The following TLDC2 variants were observed in gnomAD, a reference collection of about 807,000 sequenced individuals.
The protein encoded by TLDC2 is TBC/LysM-associated domain containing 2.
Under a neutral mutation model 27.9 loss-of-function variants are expected in TLDC2, and 23 were observed. The ratio of observed to expected loss-of-function variants is 0.82; its 90% CI spans 0.59 to 1.17. The LOEUF is 1.17. Ranked by LOEUF, TLDC2 falls within the 50% of genes most tolerant of loss-of-function variation. The pLI, the probability that TLDC2 is intolerant of heterozygous loss-of-function variation, is 0.00. For synonymous variants in TLDC2, 124 were observed against 107.4 expected (o/e 1.16, Z -0.96); for missense variants, 286 against 273.4 (o/e 1.05, Z -0.32).
At position 36,892,936 on chromosome 20, in the gene TLDC2, A is replaced by G; in HGVS notation, c.*92A>G. The stretch of plus-strand genomic sequence containing the variant: ...TAAACAACTGACTACAGACATTCAC[A>G]TTGGGTCATCTTTAAAAAGCTGGAC... On this transcript the variant is annotated 3_prime_UTR_variant, in exon 7 of 7. Coordinates refer to ENST00000217320, the MANE Select transcript of TLDC2 (RefSeq NM_080628.3). The G allele has an allele frequency of 1.2e-6, 2 of 1,613,948 alleles. No homozygotes were observed. Among genetic ancestry groups the G allele is most frequent in the Non-Finnish European group, 1.7e-6 (2 of 1,180,000 alleles).
intron 2 of TLDC2, 81 bp from the exon 3 acceptor site, chr20:36,878,960 C>A (rs771066257): frequency 1.2e-5 from 20 of 1,605,320 alleles, no homozygotes; most frequent in Non-Finnish European, 1.7e-5. Context: ...TGGATGCATG[C>A]TAGCTGTCCA....
Position 36,889,267 on chromosome 20 carries a change from TG to T in TLDC2, c.531del (p.Trp177CysfsTer50), listed in dbSNP as rs745767427. On this transcript the variant is annotated frameshift_variant, in exon 6 of 7. Transcript: ENST00000217320. LOFTEE classifies it high-confidence loss of function. ...MGSGSGRFGL[W>X]LDGDLFRGGS... ...TCTCTCTAGTGGCCGGTTTGGGCTGTGGTTGGATGGAGACTTGTTCCGCGGG... is the reference window on the plus strand; with the variant it reads ...TCTCTCTAGTGGCCGGTTTGGGCTGTGTTGGATGGAGACTTGTTCCGCGGG... 6.2e-7 allele frequency: 1 copy of T among 1,614,118 alleles called. No individual in the cohort carries two copies. The highest frequency in any genetic ancestry group is 8.5e-7 in the Non-Finnish European group (1 of 1,180,000).
chr20:36,886,703 C>T (rs1243933734), intron 4 of TLDC2, among the ~76,000 whole-genome samples: 1 of 152,138 alleles, frequency 6.6e-6, no homozygotes, highest in Non-Finnish European at 1.5e-5. Flanking sequence ...AAGTGATCCT[C>T]CCGCCTCAGC....
intron 4 of TLDC2, among the ~76,000 whole-genome samples, chr20:36,886,131 T>G (rs1307796192): frequency 6.6e-6 from 1 of 152,110 alleles, no homozygotes; most frequent in African/African-American, 2.4e-5. Context: ...TTTGACAGTT[T>G]TTTTGTTGTT....
Position 36,893,322 on chromosome 20 carries a change from T to C in TLDC2, c.*478T>C, listed in dbSNP as rs1437637987. 5 of 544,116 alleles carry C rather than the reference T, an allele frequency of 9.2e-6. 1 individual carries two copies. The South Asian group carries it at 1.0e-4, about 11-fold the overall frequency. The allele number at this position is 544,116 out of a possible 1,614,324, so 33.7% of individuals were successfully genotyped here. ...GAGATGACTGGGAGCAGCATACCAC[T>C]GCCCACCTCTATGGCCTCCTTCACA... On this transcript the variant is annotated 3_prime_UTR_variant, in exon 7 of 7. Transcript: ENST00000217320.
intron 4 of TLDC2, 51 bp downstream of exon 4, chr20:36,880,801 G>A (rs761906266): frequency 1.9e-6 from 3 of 1,556,910 alleles, no homozygotes; most frequent in East Asian, 2.2e-5. Flanking sequence ...GCGAGACAAA[G>A]CTCCCGGGGT....
chr20:36,877,162 T>C (rs1372003666), intron 1 of TLDC2, among the ~76,000 whole-genome samples: 4 of 151,850 alleles, frequency 2.6e-5, no homozygotes, highest in African/African-American at 7.3e-5. Context: ...AGGTGGATCA[T>C]CTGAGGTCAG....
chr20:36,880,145 G>A (rs7273826), intron 3 of TLDC2, among the ~76,000 whole-genome samples: 11,424 of 104,992 alleles, frequency 0.11, 517 homozygotes, highest in South Asian at 0.14. Flanking sequence ...CCAGATTGGA[G>A]TGTAGTGGTG....
intron 4 of TLDC2, among the ~76,000 whole-genome samples, chr20:36,885,523 T>C (rs910174415): frequency 6.6e-6 from 1 of 152,210 alleles, no homozygotes; most frequent in Non-Finnish European, 1.5e-5. Context: ...AACGTGTATC[T>C]TACTCCTTCA....
chr20:36,877,775 T>TGG lies in TLDC2; in HGVS notation c.34-120_34-119dup, dbSNP rs1989706154. ...AACCCCCAACTACCCTGGGCTGGGC[T>TGG]GGGGGTTACAGGCACATGGGCAGGG... is the stretch of plus-strand genomic sequence containing the variant. On this transcript the variant is annotated intron_variant, in intron 1 of 6. Coordinates refer to ENST00000217320, the MANE Select transcript of TLDC2 (RefSeq NM_080628.3). The TGG allele has an allele frequency of 7.0e-6, 8 of 1,142,468 alleles. No homozygotes were observed. The South Asian group carries it at 1.1e-4, about 15-fold the overall frequency. The allele number at this position is 1,142,468 out of a possible 1,614,324, so 70.8% of individuals were successfully genotyped here.
chr20:36,877,124 G>T (rs1169687220), intron 1 of TLDC2, among the ~76,000 whole-genome samples: 1 of 152,072 alleles, frequency 6.6e-6, no homozygotes, highest in Non-Finnish European at 1.5e-5. Context: ...GGTGGCTCAC[G>T]CCTGTAATCC....
intron 3 of TLDC2, among the ~76,000 whole-genome samples, chr20:36,879,943 C>G (rs941535491): frequency 6.7e-6 from 1 of 149,636 alleles, no homozygotes; most frequent in South Asian, 2.1e-4. Context: ...AGGAAACATA[C>G]CAAAATATTA....
Position 36,889,536 on chromosome 20 carries a change from C to G in TLDC2, c.*17+133C>G, listed in dbSNP as rs557438767. The G allele has an allele frequency of 7.0e-5, 79 of 1,131,484 alleles. No homozygotes were observed. The East Asian group carries it at 2.1e-3, about 30-fold the overall frequency. 70.1% of individuals were successfully genotyped at this position (1,131,484 alleles called of 1,614,324 possible). On this transcript the variant is annotated intron_variant, in intron 6 of 6. Transcript: ENST00000217320. ...CCAGCCTCCTTGTGGCCTGGGGACC[C>G]AAGATACAGGTGGGGGCAGGCACTG... is the stretch of plus-strand genomic sequence containing the variant.
At chr20:36,892,712 T>TA (rs1212644980) in intron 6 of TLDC2, 150 bp from the exon 7 acceptor site, 9 of 625,168 alleles carry the variant, frequency 1.4e-5, no homozygotes, top group Non-Finnish European at 2.6e-5. Context: ...AAGGCTTTAA[T>TA]AATATTAAAA....
chr20:36,876,202 C>A lies in TLDC2; in HGVS notation c.28C>A (p.Arg10=), dbSNP rs757731171. Residue 10 remains arginine, a synonymous_variant, in exon 1 of 7, where the codon CGG becomes AGG. Coordinates refer to ENST00000217320, the MANE Select transcript of TLDC2 (RefSeq NM_080628.3). ...GAGAGGCCTCCGCTGGCGTTACACT[C>A]GGCTGGTAAGGGTTCCAACTCCGTC... MRGLRWRYT[R]LPSQVEDTLS... 17 of 1,614,134 alleles carry A rather than the reference C, an allele frequency of 1.1e-5. No homozygotes were observed. Among genetic ancestry groups the A allele is most frequent in the Non-Finnish European group, 1.4e-5 (17 of 1,179,994 alleles).
chr20:36,880,053 T>C (rs1989764643), intron 3 of TLDC2, among the ~76,000 whole-genome samples: 1 of 59,318 alleles, frequency 1.7e-5, no homozygotes, highest in South Asian at 7.4e-4. Flanking sequence ...TGATTACTTG[T>C]GTAGAATATA....
intron 4 of TLDC2, among the ~76,000 whole-genome samples, chr20:36,882,385 G>A (rs1292221819): frequency 6.6e-6 from 1 of 151,760 alleles, no homozygotes; most frequent in Non-Finnish European, 1.5e-5. Flanking sequence ...TCCACAAAAA[G>A]GAAAAAACAA....
intron 4 of TLDC2, among the ~76,000 whole-genome samples, chr20:36,886,350 C>T (rs1989920494): frequency 6.6e-6 from 1 of 152,148 alleles, no homozygotes; most frequent in South Asian, 2.1e-4. Context: ...AATCCCAGCT[C>T]TTTGGGAGGC....
Position 36,893,634 on chromosome 20 carries a change from G to C in TLDC2, c.*790G>C. On this transcript the variant is annotated 3_prime_UTR_variant, in exon 7 of 7. Transcript: ENST00000217320. ...CGATACAATGACGTGAAACCATAGA[G>C]GTAAGAAGCAAGGCCTCCTAATACT... 1 of 369,544 alleles carries C rather than the reference G, an allele frequency of 2.7e-6. No homozygotes were observed. The highest frequency in any genetic ancestry group is 4.1e-5 in the East Asian group (1 of 24,642). The allele number at this position is 369,544 out of a possible 1,614,324, so 22.9% of individuals were successfully genotyped here. A position where few individuals can be genotyped will look rare whatever the true frequency, so the allele number is the denominator to read the frequency against.
Sources: gnomAD v4.1 joint callset for allele counts (sites outside exome capture counted in the v4.1 genomes callset) on GRCh38, gnomAD v4.1.1 for gene constraint, MANE v1.5 for transcripts, NCBI Gene and HGNC (gene_info 2026-07-23, HGNC 2026-07-21) for gene names.